Variants in GABRA2 observed in about 807,000 individuals in gnomAD.
The protein encoded by GABRA2 is gamma-aminobutyric acid receptor subunit alpha-2.
GABRA2 carries 16 observed loss-of-function variants against 48.7 expected under a neutral mutation model. That is an observed-to-expected ratio of 0.33 (90% CI 0.22 to 0.50). The LOEUF (loss-of-function observed/expected upper bound fraction) is 0.50. Among genes scored for constraint, GABRA2 ranks in the 20% least tolerant of loss-of-function variants. The pLI is 0.98. For synonymous variants in GABRA2, 185 were observed against 184.5 expected, an observed-to-expected ratio of 1.00 and a Z score of -0.02; for missense variants, 275 against 535.6, an observed-to-expected ratio of 0.51 and a Z score of 4.80.
At chr4:46,385,823 T>G (rs1717371811) in intron 3 of GABRA2, among the ~76,000 whole-genome samples, 1 of 152,118 alleles carries the variant, frequency 6.6e-6, no homozygotes, top group Admixed American at 6.5e-5. Flanking sequence ...AAAGTTAATT[T>G]AAAAACTATT....
chr4:46,379,649 T>G (rs1290515055), intron 3 of GABRA2, among the ~76,000 whole-genome samples: 1 of 152,128 alleles, frequency 6.6e-6, no homozygotes, highest in Non-Finnish European at 1.5e-5. Context: ...TCAGTGAACT[T>G]TAGGAGACCC....
At chr4:46,369,606 G>C (rs942482091) in intron 3 of GABRA2, among the ~76,000 whole-genome samples, 2 of 152,058 alleles carry the variant, frequency 1.3e-5, no homozygotes, top group African/African-American at 4.8e-5. Context: ...AACTGAATTT[G>C]AGAAATCCAT....
chr4:46,303,361 C>G (rs1011021668), intron 8 of GABRA2, 99 bp downstream of exon 8: 105 of 1,210,186 alleles, frequency 8.7e-5, no homozygotes, highest in Non-Finnish European at 1.2e-4. Context: ...CCCGCCCCAC[C>G]TACTACAAAT....
At chr4:46,319,381 C>T (rs911739251) in intron 4 of GABRA2, among the ~76,000 whole-genome samples, 2 of 151,612 alleles carry the variant, frequency 1.3e-5, no homozygotes, top group Admixed American at 6.6e-5. Flanking sequence ...GGCTAGTCTC[C>T]CTTGAGTAAA....
intron 4 of GABRA2, among the ~76,000 whole-genome samples, chr4:46,319,039 T>G (rs192239508): frequency 6.6e-6 from 1 of 151,878 alleles, no homozygotes; most frequent in Admixed American, 6.6e-5. Context: ...GTCAAATGTT[T>G]TTGCCACTAC....
At chr4:46,368,810 T>C (rs1714444703) in intron 3 of GABRA2, 1 of 417,290 alleles carries the variant, frequency 2.4e-6, no homozygotes. Flanking sequence ...CAACTCTGAT[T>C]TTAAATACTT....
intron 4 of GABRA2, among the ~76,000 whole-genome samples, chr4:46,329,736 T>C (rs1478407715): frequency 6.6e-6 from 1 of 152,144 alleles, no homozygotes; most frequent in Non-Finnish European, 1.5e-5. Flanking sequence ...AGATTTTCCC[T>C]GTGATGTCCT....
rs1713642346 is a variant in GABRA2 at position 46,245,975 on chromosome 4, A to G, written c.*4333T>C. 6.6e-6 allele frequency among the ~76,000 whole-genome samples: 1 copy of G among 151,202 alleles called. No homozygotes were observed. Among genetic ancestry groups the G allele is most frequent in the Admixed American group, 6.6e-5 (1 of 15,104 alleles). ...ACACAGTGGTCTAGATATGTTGATA[A>G]TTAAGAATTTTAGCAAAAAAACAAA... On this transcript the variant is annotated 3_prime_UTR_variant, in exon 10 of 10. Transcript: ENST00000381620.
At chr4:46,278,749 C>T (rs1469734479) in intron 8 of GABRA2, among the ~76,000 whole-genome samples, 1 of 151,960 alleles carries the variant, frequency 6.6e-6, no homozygotes, top group Non-Finnish European at 1.5e-5. Context: ...CTTTCACTCA[C>T]CAATTACACT....
chr4:46,337,528 G>A (rs1177648373), intron 3 of GABRA2, among the ~76,000 whole-genome samples: 1 of 151,492 alleles, frequency 6.6e-6, no homozygotes, highest in Non-Finnish European at 1.5e-5. Flanking sequence ...TTGGCTTGGA[G>A]AATTTTGTGG....
intron 8 of GABRA2, among the ~76,000 whole-genome samples, chr4:46,265,001 A>ATATATATATATATATATATATT (rs1212292599): frequency 1.4e-5 from 2 of 140,896 alleles, no homozygotes; most frequent in Non-Finnish European, 1.5e-5. Context: ...ATATATATAT[A>ATATATATATATATATATATATT]TGTATAAAGA....
chr4:46,297,476 CATATATATAT>C lies in GABRA2; in HGVS notation c.856+5974_856+5983del, dbSNP rs56201706. On this transcript the variant is annotated intron_variant, in intron 8 of 9. Transcript: ENST00000381620. ...GAGTTAATACTACTTAATAAAATCCCATATATATATATATATATATATATATATATATATA... is the reference window on the plus strand; with the variant it reads ...GAGTTAATACTACTTAATAAAATCCCATATATATATATATATATATATATA... Among the ~76,000 whole-genome samples the C allele has an allele frequency of 1.7e-3, 151 of 87,914 alleles. 8 individuals are homozygous for C. Among genetic ancestry groups the C allele is most frequent in the African/African-American group, 4.8e-3 (98 of 20,414 alleles). 57.7% of individuals were successfully genotyped at this position (87,914 alleles called of 152,430 possible).
intron 8 of GABRA2, among the ~76,000 whole-genome samples, chr4:46,291,776 C>CACATATATATATATATATATAT (rs1553906974): frequency 5.5e-5 from 8 of 144,752 alleles, no homozygotes; most frequent in African/African-American, 2.1e-4. Flanking sequence ...TAAACACACA[C>CACATATATATATATATATATAT]ATATATATAT....
chr4:46,294,289 A>G (rs6858870), intron 8 of GABRA2, among the ~76,000 whole-genome samples: 57,608 of 152,134 alleles, frequency 0.38, 11,615 homozygotes, highest in East Asian at 0.52. Flanking sequence ...AGGATGAAAA[A>G]TAAATCCAAC....
chr4:46,359,811 G>A (rs1712868107), intron 3 of GABRA2, among the ~76,000 whole-genome samples: 1 of 152,028 alleles, frequency 6.6e-6, no homozygotes, highest in Admixed American at 6.6e-5. Context: ...CAGCTACTCA[G>A]GAGGCTGAGG....
At chr4:46,374,735 A>G (rs1164469690) in intron 3 of GABRA2, among the ~76,000 whole-genome samples, 2 of 152,064 alleles carry the variant, frequency 1.3e-5, no homozygotes, top group Non-Finnish European at 2.9e-5. Context: ...ATGCATACTT[A>G]TATATATCAG....
At chr4:46,333,605 G>A (rs1371989526) in intron 3 of GABRA2, among the ~76,000 whole-genome samples, 1 of 152,010 alleles carries the variant, frequency 6.6e-6, no homozygotes, top group Non-Finnish European at 1.5e-5. Context: ...AGTAAACTAT[G>A]TCTGGGATTT....
At position 46,249,669 on chromosome 4, in the gene GABRA2, G is replaced by GTTAT. The variant is rs1337554180; in HGVS notation, c.*635_*638dup. The GTTAT allele has an allele frequency of 2.6e-5, 4 of 151,236 alleles. No homozygotes were observed. The highest frequency in any genetic ancestry group is 9.7e-5 in the African/African-American group (4 of 41,244). The allele number at this position is 151,236 out of a possible 1,614,324, so 9.4% of individuals were successfully genotyped here. A position where few individuals can be genotyped will look rare whatever the true frequency, so the allele number is the denominator to read the frequency against. On this transcript the variant is annotated 3_prime_UTR_variant, in exon 10 of 10. Coordinates refer to ENST00000381620, the MANE Select transcript of GABRA2 (RefSeq NM_000807.4). ...ATGTAATGACCATGACATTCCAATA[G>GTTAT]TTATTACATCGTAGGCATAATTAAC...
chr4:46,306,290 A>G (rs1422076341), intron 6 of GABRA2, among the ~76,000 whole-genome samples: 1 of 152,192 alleles, frequency 6.6e-6, no homozygotes, highest in African/African-American at 2.4e-5. Context: ...TTTTTAAATG[A>G]ATCAATGCAC....
Sources: gnomAD v4.1 joint callset for allele counts (sites outside exome capture counted in the v4.1 genomes callset) on GRCh38, gnomAD v4.1.1 for gene constraint, MANE v1.5 for transcripts, NCBI Gene and HGNC (gene_info 2026-07-23, HGNC 2026-07-21) for gene names.